PPM1G: variants seen among roughly 807,000 people sequenced by gnomAD.
The protein encoded by PPM1G is protein phosphatase, Mg2+/Mn2+ dependent 1G.
Under a neutral mutation model 59.4 loss-of-function variants are expected in PPM1G, and 12 were observed. That is an observed-to-expected ratio of 0.20 (90% CI 0.13 to 0.33). The LOEUF is 0.33. Among genes scored for constraint, PPM1G ranks in the 10% least tolerant of loss-of-function variants. The probability of loss-of-function intolerance (pLI) is 1.00; values close to 1 mark genes in which losing one functional copy is unlikely to be tolerated. For synonymous variants in PPM1G, 245 were observed against 251.9 expected, an observed-to-expected ratio of 0.97 and a Z score of 0.26; for missense variants, 392 against 681.3, an observed-to-expected ratio of 0.58 and a Z score of 4.73.
chr2:27,382,360 C>A lies in PPM1G; in HGVS notation c.1331+116G>T. 6.4e-7 allele frequency: 1 copy of A among 1,554,434 alleles called. No homozygotes were observed. The highest frequency in any genetic ancestry group is 1.2e-5 in the South Asian group (1 of 86,274). On this transcript the variant is annotated intron_variant, in intron 8 of 9. Coordinates refer to ENST00000344034, the MANE Select transcript of PPM1G (RefSeq NM_177983.3). This position sits in a 1 kb window ranked among gnomAD's most constrained non-coding sequence, Gnocchi z 4.2. Reference sequence around the variant, plus strand: ...TCAGCTCTGCCTTAGTCTGGGTGCTCTTCACCCACCAAGAGGCCTAGGTCT... The same window carrying A: ...TCAGCTCTGCCTTAGTCTGGGTGCTATTCACCCACCAAGAGGCCTAGGTCT...
rs1683724395 is a variant in PPM1G, at chr2:27,384,880, G to A, written c.618C>T (p.Pro206=). The change falls in exon 5 of 10, where the codon CCC becomes CCT. Residue 206 remains proline, a synonymous_variant. Coordinates refer to ENST00000344034, the MANE Select transcript of PPM1G (RefSeq NM_177983.3). This position sits in a 1 kb window ranked among gnomAD's most constrained non-coding sequence, Gnocchi z 4.8. ...TRETPSQENG[P]TAKAYTGFSS... is the part of the protein sequence containing the mutation. ...AAAAGCCTGTGTAGGCCTTGGCTGTGGGGCCATTTTCTTGTGAAGGAGTTT... is the reference window on the plus strand; with the variant it reads ...AAAAGCCTGTGTAGGCCTTGGCTGTAGGGCCATTTTCTTGTGAAGGAGTTT... The A allele has an allele frequency of 1.2e-6, 2 of 1,614,016 alleles. No individual in the cohort carries two copies. Among genetic ancestry groups the A allele is most frequent in the African/African-American group, 1.3e-5 (1 of 74,912 alleles).
intron 1 of PPM1G, among the ~76,000 whole-genome samples, chr2:27,395,942 G>C (rs1007625107): frequency 4.3e-4 from 65 of 152,100 alleles, no homozygotes; most frequent in African/African-American, 1.4e-3. Context: ...CTTGTGTACT[G>C]TTGGTGGAAA....
At chr2:27,402,740 G>A (rs1428424700) in intron 1 of PPM1G, among the ~76,000 whole-genome samples, 11 of 151,390 alleles carry the variant, frequency 7.3e-5, no homozygotes, top group Middle Eastern at 3.2e-3. Context: ...CCCGGGAGGC[G>A]GAGCTTGCAG....
Position 27,381,711 on chromosome 2 carries a change from G to T in PPM1G, c.1529C>A (p.Thr510Lys), listed in dbSNP as rs1309813344. The T allele has an allele frequency of 1.2e-6, 2 of 1,614,024 alleles. No individual in the cohort carries two copies. The highest frequency in any genetic ancestry group is 2.2e-5 in the South Asian group (2 of 91,072). Residue 510 changes from threonine to lysine, a missense_variant, in exon 10 of 10, where the codon ACA becomes AAA. Thr to Lys is a moderately conservative substitution (Grantham distance 78). Around this residue, in one of 6 missense-constraint regions of PPM1G, gnomAD observed 49 missense variants for 43.4 expected, o/e 1.13. Coordinates refer to ENST00000344034, the MANE Select transcript of PPM1G (RefSeq NM_177983.3). ...CIIICFKPRN[T>K]AELQPESGKR... is the part of the protein sequence containing the mutation. The stretch of plus-strand genomic sequence containing the variant: ...GCCACTCTCTGGCTGGAGCTCTGCT[G>T]TGTTTCGGGGCTTGAAGCAAATGAT...
At chr2:27,404,431 T>C (rs1180506666) in intron 1 of PPM1G, among the ~76,000 whole-genome samples, 2 of 151,296 alleles carry the variant, frequency 1.3e-5, no homozygotes, top group South Asian at 2.1e-4. Flanking sequence ...ACTCCTGTAA[T>C]CCCAGCTATT....
chr2:27,402,850 AAAT>A (rs1684217719), intron 1 of PPM1G, among the ~76,000 whole-genome samples: 1 of 118,292 alleles, frequency 8.5e-6, no homozygotes, highest in African/African-American at 3.7e-5. Flanking sequence ...ATAAATAAAT[AAAT>A]AAAATAAACA....
intron 1 of PPM1G, among the ~76,000 whole-genome samples, chr2:27,398,052 T>C (rs998188767): frequency 6.6e-6 from 1 of 152,110 alleles, no homozygotes. Flanking sequence ...TGTGCAGAAA[T>C]TGACAAATTA....
intron 1 of PPM1G, among the ~76,000 whole-genome samples, chr2:27,388,666 G>A (rs1341028445): frequency 6.6e-6 from 1 of 151,928 alleles, no homozygotes; most frequent in Admixed American, 6.6e-5. Flanking sequence ...ATGAGGTCAG[G>A]AGATCGAGAC....
At chr2:27,393,388 GGCGGCA>G (rs1683967070) in intron 1 of PPM1G, 47 of 1,467,608 alleles carry the variant, frequency 3.2e-5, no homozygotes, top group Non-Finnish European at 4.3e-5. Flanking sequence ...AAGGAGAGGC[GGCGGCA>G]GCGGCAGTGG....
chr2:27,388,045 G>A (rs544385419), intron 1 of PPM1G, among the ~76,000 whole-genome samples: 2 of 150,682 alleles, frequency 1.3e-5, no homozygotes, highest in Non-Finnish European at 3.0e-5. Flanking sequence ...GGATCCACCC[G>A]CCTCAGTCTC....
At position 27,382,072 on chromosome 2, in the gene PPM1G, G is replaced by A; in HGVS notation, c.1434+54C>T. 1 of 1,539,906 alleles carries A rather than the reference G, an allele frequency of 6.5e-7. No homozygotes were observed. The highest frequency in any genetic ancestry group is 9.0e-7 in the Non-Finnish European group (1 of 1,113,852). On this transcript the variant is annotated intron_variant, in intron 9 of 9. Coordinates refer to ENST00000344034, the MANE Select transcript of PPM1G (RefSeq NM_177983.3). This position sits in a 1 kb window ranked among gnomAD's most constrained non-coding sequence, Gnocchi z 4.2. The stretch of plus-strand genomic sequence containing the variant: ...TGCCGACTTAGCTCAGATTAAAAGA[G>A]TGAACCCTGGCTGTGCAGACCAGAC...
intron 1 of PPM1G, among the ~76,000 whole-genome samples, chr2:27,400,342 C>T (rs1274509493): frequency 6.6e-6 from 1 of 152,144 alleles, no homozygotes; most frequent in East Asian, 1.9e-4. Context: ...GTGGAGGTTG[C>T]AGTGAGCTGA....
At chr2:27,407,096 G>A (rs1331564803) in intron 1 of PPM1G, among the ~76,000 whole-genome samples, 5 of 151,560 alleles carry the variant, frequency 3.3e-5, no homozygotes, top group African/African-American at 1.2e-4. Context: ...CTTCCAAGTA[G>A]CTATGATTAT....
intron 1 of PPM1G, among the ~76,000 whole-genome samples, chr2:27,387,885 G>A (rs559212715): frequency 4.6e-5 from 7 of 152,058 alleles, no homozygotes; most frequent in Admixed American, 3.3e-4. Context: ...TGCAAGCTTC[G>A]CCTCCCAGGT....
intron 1 of PPM1G, among the ~76,000 whole-genome samples, chr2:27,403,394 C>A (rs1313323255): frequency 1.3e-5 from 2 of 150,720 alleles, no homozygotes; most frequent in African/African-American, 4.9e-5. Flanking sequence ...TGCAGTGAGC[C>A]GAGATGGCAC....
intron 1 of PPM1G, among the ~76,000 whole-genome samples, chr2:27,398,336 C>G (rs549953367): frequency 1.3e-5 from 2 of 152,320 alleles, no homozygotes; most frequent in Admixed American, 1.3e-4. Flanking sequence ...ATCACTCCCT[C>G]ATACCATTCA....
intron 1 of PPM1G, among the ~76,000 whole-genome samples, chr2:27,401,186 TACA>T (rs1245431946): frequency 6.6e-6 from 1 of 152,200 alleles, no homozygotes; most frequent in South Asian, 2.1e-4. Context: ...TTAAATCTAC[TACA>T]ACAATGTATG....
intron 1 of PPM1G, among the ~76,000 whole-genome samples, chr2:27,396,595 A>C (rs1462453694): frequency 1.3e-5 from 2 of 151,968 alleles, no homozygotes; most frequent in Non-Finnish European, 2.9e-5. Context: ...CGGGCGGATC[A>C]CTTGAGGTGA....
At position 27,381,491 on chromosome 2, in the gene PPM1G, C is replaced by T; in HGVS notation, c.*108G>A. ...GGCGGAGTGAAGCCACCCAGCTCCC[C>T]CTGCACACCTCATACCCACTGCTAA... On this transcript the variant is annotated 3_prime_UTR_variant, in exon 10 of 10. Coordinates refer to ENST00000344034, the MANE Select transcript of PPM1G (RefSeq NM_177983.3). 1.5e-6 allele frequency: 2 copies of T among 1,315,230 alleles called. No homozygotes were observed. The highest frequency in any genetic ancestry group is 2.2e-6 in the Non-Finnish European group (2 of 924,568). The allele number at this position is 1,315,230 out of a possible 1,614,324, so 81.5% of individuals were successfully genotyped here.
Sources: gnomAD v4.1 joint callset for allele counts (sites outside exome capture counted in the v4.1 genomes callset) on GRCh38, gnomAD v4.1.1 for gene constraint, gnomAD v4.1.1 regional missense constraint, Gnocchi (gnomAD v3.1) non-coding constraint, MANE v1.5 for transcripts, NCBI Gene and HGNC (gene_info 2026-07-23, HGNC 2026-07-21) for gene names.